NF1: variants seen among roughly 807,000 people sequenced by gnomAD.
NF1 encodes neurofibromin 1, also known as neurofibromin.
NF1 carries 122 observed loss-of-function variants against 325.7 expected under a neutral mutation model. That is an observed-to-expected ratio of 0.37 (90% confidence interval 0.32 to 0.44). The LOEUF (loss-of-function observed/expected upper bound fraction) is 0.44, where lower values mean the gene tolerates loss of function less well. Among genes scored for constraint, NF1 ranks in the 20% least tolerant of loss-of-function variants. The pLI is 1.00. For synonymous variants in NF1, 1,091 were observed against 1,186.0 expected, an observed-to-expected ratio of 0.92 and a Z score of 1.65; for missense variants, 2,140 against 3,415.4, an observed-to-expected ratio of 0.63 and a Z score of 9.31.
In NF1 at chr17:31,195,409, T is replaced by A. The variant is rs147478796; in HGVS notation, c.889-5013T>A. ...CGGTAAAATGCACGTAACATCAAAT[T>A]TACCATCTTAGCCATTTTTAAGCAT... On this transcript the variant is annotated intron_variant, in intron 8 of 57. Transcript: ENST00000358273. Among the ~76,000 whole-genome samples, 476 of 152,258 alleles carry A rather than the reference T, an allele frequency of 3.1e-3. 3 individuals carry two copies. Among genetic ancestry groups the A allele is most frequent in the Non-Finnish European group, 4.1e-3 (281 of 67,964 alleles).
At chr17:31,215,326 T>C (rs1187088066) in intron 13 of NF1, among the ~76,000 whole-genome samples, 1 of 152,164 alleles carries the variant, frequency 6.6e-6, no homozygotes, top group Non-Finnish European at 1.5e-5. Flanking sequence ...TCAGATGATA[T>C]TAAATTTCTG....
intron 36 of NF1, among the ~76,000 whole-genome samples, chr17:31,279,291 T>C (rs2068073345): frequency 6.6e-6 from 1 of 152,158 alleles, no homozygotes; most frequent in Non-Finnish European, 1.5e-5. Flanking sequence ...TATGTTTGGT[T>C]ATTTCTGAAA....
chr17:31,233,782 A>G (rs2012581), intron 27 of NF1, among the ~76,000 whole-genome samples: 65,030 of 152,088 alleles, frequency 0.43, 16,108 homozygotes, highest in African/African-American at 0.68. Flanking sequence ...CAGTGTTAAA[A>G]GGCTATTTGC....
intron 12 of NF1, among the ~76,000 whole-genome samples, chr17:31,206,929 A>G (rs1168850128): frequency 6.6e-6 from 1 of 152,194 alleles, no homozygotes; most frequent in Non-Finnish European, 1.5e-5. Context: ...TAAAAAGCAG[A>G]CTTAAAATTG....
At chr17:31,120,874 G>A (rs1420464969) in intron 1 of NF1, among the ~76,000 whole-genome samples, 1 of 151,618 alleles carries the variant, frequency 6.6e-6, no homozygotes, top group Non-Finnish European at 1.5e-5. Flanking sequence ...ATTTGTGATT[G>A]TTTCAAATCA....
rs878853921 is a variant in NF1, at chr17:31,182,625, A to G, written c.848A>G (p.Asp283Gly). Residue 283 changes from aspartate to glycine, a missense_variant, in exon 8 of 58, where the codon GAT becomes GGT. This residue lies in a region of NF1 where 246 missense variants were observed against 347.8 expected (regional missense o/e 0.71). Coordinates refer to ENST00000358273, the MANE Select transcript of NF1 (RefSeq NM_001042492.3). Reference sequence around the variant, plus strand: ...ATCTTGTGTCCAGAAATAATCCAGGATATATCCAAAGACGTGGTTGATGAA... The same window carrying G: ...ATCTTGTGTCCAGAAATAATCCAGGGTATATCCAAAGACGTGGTTGATGAA... ...LLILCPEIIQ[D>G]ISKDVVDENN... 3.1e-6 allele frequency: 5 copies of G among 1,613,940 alleles called. No individual in the cohort carries two copies. The highest frequency in any genetic ancestry group is 1.6e-4 in the Middle Eastern group (1 of 6,062).
Position 31,376,922 on chromosome 17 carries a change from C to A in NF1, c.*2767C>A. The A allele has an allele frequency of 4.3e-6, 1 of 233,322 alleles. No individual in the cohort carries two copies. The allele number at this position is 233,322 out of a possible 1,614,324, so 14.5% of individuals were successfully genotyped here. ...GTCTTCCATTCACTCAACACCTGTT[C>A]ATGACTGAGCCAGGTGCCCAGGACA... On this transcript the variant is annotated 3_prime_UTR_variant, in exon 58 of 58. Coordinates refer to ENST00000358273, the MANE Select transcript of NF1 (RefSeq NM_001042492.3).
At chr17:31,111,197 T>A (rs1913383794) in intron 1 of NF1, among the ~76,000 whole-genome samples, 4 of 143,664 alleles carry the variant, frequency 2.8e-5, no homozygotes, top group African/African-American at 2.6e-5. Context: ...CAATAGAAAA[T>A]ATCTAGATAA....
At chr17:31,193,839 A>G (rs2066389558) in intron 8 of NF1, among the ~76,000 whole-genome samples, 1 of 152,248 alleles carries the variant, frequency 6.6e-6, no homozygotes, top group Non-Finnish European at 1.5e-5. Flanking sequence ...ACAGTGAGAT[A>G]TCATCTCACC....
intron 36 of NF1, among the ~76,000 whole-genome samples, chr17:31,283,429 A>AAC (rs1567873559): frequency 4.0e-4 from 59 of 146,944 alleles, no homozygotes; most frequent in African/African-American, 1.4e-3. Context: ...AAAAACAAAC[A>AAC]AAAAAAAACA....
intron 1 of NF1, among the ~76,000 whole-genome samples, chr17:31,102,413 G>T (rs962449724): frequency 2.6e-5 from 4 of 152,104 alleles, no homozygotes; most frequent in Non-Finnish European, 5.9e-5. Flanking sequence ...CTAGAGTGCA[G>T]TGTAGCTTAT....
chr17:31,370,129 A>G (rs939650516), intron 57 of NF1, among the ~76,000 whole-genome samples: 1 of 152,208 alleles, frequency 6.6e-6, no homozygotes, highest in African/African-American at 2.4e-5. Context: ...TGTGTGATTT[A>G]TACAGTTGGG....
chr17:31,099,889 A>ACC (rs887700354), intron 1 of NF1, among the ~76,000 whole-genome samples: 12 of 151,656 alleles, frequency 7.9e-5, no homozygotes, highest in Non-Finnish European at 1.5e-4. Context: ...TGGTTCATTA[A>ACC]CCCAGTTTCT....
intron 54 of NF1, chr17:31,358,243 T>G: frequency 1.8e-6 from 1 of 546,930 alleles, no homozygotes. Context: ...TACCAGTTGT[T>G]TGTTTTCACA....
At chr17:31,360,761 G>T (rs2151588514) in intron 57 of NF1, 58 bp downstream of exon 57, 1 of 1,445,338 alleles carries the variant, frequency 6.9e-7, no homozygotes, top group South Asian at 1.1e-5. Flanking sequence ...CCAACATTAG[G>T]AATTCCCTTG....
At chr17:31,270,115 C>T (rs1043864509) in intron 36 of NF1, among the ~76,000 whole-genome samples, 3 of 152,206 alleles carry the variant, frequency 2.0e-5, no homozygotes, top group African/African-American at 7.2e-5. Flanking sequence ...AGGTACACGA[C>T]AGTGTGTGTG....
At chr17:31,189,666 A>G in intron 8 of NF1, among the ~76,000 whole-genome samples, 1 of 152,122 alleles carries the variant, frequency 6.6e-6, no homozygotes, top group Admixed American at 6.6e-5. Context: ...GCAGGTGCCA[A>G]GATTTTTGAA....
At chr17:31,280,972 A>G in intron 36 of NF1, among the ~76,000 whole-genome samples, 1 of 152,142 alleles carries the variant, frequency 6.6e-6, no homozygotes, top group East Asian at 1.9e-4. Flanking sequence ...AAACCAACAA[A>G]AGGCAACAGT....
At chr17:31,199,618 T>C (rs1286839457) in intron 8 of NF1, among the ~76,000 whole-genome samples, 1 of 152,186 alleles carries the variant, frequency 6.6e-6, no homozygotes, top group Non-Finnish European at 1.5e-5. Flanking sequence ...AAGACATTTG[T>C]TAATGAACTG....
Sources: allele counts gnomAD v4.1 joint callset (sites outside exome capture counted in the v4.1 genomes callset), GRCh38; gene constraint gnomAD v4.1.1; regional missense constraint gnomAD v4.1.1; transcripts MANE v1.5; gene names NCBI Gene and HGNC (gene_info 2026-07-23, HGNC 2026-07-21).